Variants in DGKD observed in about 807,000 individuals in gnomAD.
DGKD encodes DAG kinase delta.
In DGKD, 68 loss-of-function variants were observed where a neutral mutation model predicts 154.4. That is an observed-to-expected ratio of 0.44 (90% CI 0.36 to 0.54). DGKD has a LOEUF of 0.54. Ranked by LOEUF, DGKD falls within the 20% of genes least tolerant of loss-of-function variation. DGKD has a pLI of 0.00. For synonymous variants in DGKD, 693 were observed against 638.0 expected (o/e 1.09, Z -1.30); for missense variants, 1,343 against 1,593.6 (o/e 0.84, Z 2.68).
At chr2:233,450,215 G>T in intron 16 of DGKD, 84 bp downstream of exon 16, 1 of 1,454,894 alleles carries the variant, frequency 6.9e-7, no homozygotes. Context: ...GGAGGTTTTA[G>T]GGCACTTTCT....
chr2:233,392,865 C>T (rs1039255053), intron 3 of DGKD, among the ~76,000 whole-genome samples: 2 of 152,212 alleles, frequency 1.3e-5, no homozygotes, highest in African/African-American at 2.4e-5. Flanking sequence ...GTAGTTTAAA[C>T]ACCTGTGTCT....
intron 3 of DGKD, among the ~76,000 whole-genome samples, chr2:233,428,875 TTG>T (rs2062409099): frequency 1.0e-5 from 1 of 98,326 alleles, no homozygotes; most frequent in South Asian, 3.0e-4. Flanking sequence ...AGGTTTTTTT[TTG>T]TTGTTGTTGT....
rs1409204349 is a variant in DGKD, at chr2:233,459,603, C to A, written c.2695-154C>A. ...GAGTGACACAACAGCAGAAGGCTAG[C>A]TGCAGGCGGAGCGCCATCCCAGAGG... On this transcript the variant is annotated intron_variant, in intron 22 of 29. Transcript: ENST00000264057. The surrounding 1 kb of genome is among the most constrained non-coding windows in gnomAD (Gnocchi z 5.7). Among the ~76,000 whole-genome samples the A allele has an allele frequency of 1.3e-5, 2 of 152,176 alleles. No homozygotes were observed. The highest frequency in any genetic ancestry group is 4.8e-5 in the African/African-American group (2 of 41,440).
At chr2:233,420,581 T>A (rs2062082658) in intron 3 of DGKD, among the ~76,000 whole-genome samples, 1 of 152,254 alleles carries the variant, frequency 6.6e-6, no homozygotes, top group Admixed American at 6.5e-5. Context: ...ATTGTTGAAC[T>A]GGTTCTGAAA....
In DGKD at chr2:233,469,579, G is replaced by C; in HGVS notation, c.*119G>C. 2 of 817,946 alleles carry C rather than the reference G, an allele frequency of 2.4e-6. No individual in the cohort carries two copies. Among genetic ancestry groups the C allele is most frequent in the Non-Finnish European group, 3.9e-6 (2 of 511,818 alleles). The allele number at this position is 817,946 out of a possible 1,614,324, so 50.7% of individuals were successfully genotyped here. On this transcript the variant is annotated 3_prime_UTR_variant, in exon 30 of 30. Transcript: ENST00000264057. ...AGGCCCTGGGCAGATGCTGCAGCCC[G>C]CCCCCTTCTCATGGTGCTACTTCCT...
rs370744706 is a variant in DGKD, at chr2:233,459,716, G to A, written c.2695-41G>A. ...TGATAGCACTTTTAAACCCCTGGGG[G>A]TTTTGGCTCAGCATGAGTAATGGCT... is the stretch of plus-strand genomic sequence containing the variant. On this transcript the variant is annotated intron_variant, in intron 22 of 29. Coordinates refer to ENST00000264057, the MANE Select transcript of DGKD (RefSeq NM_152879.3). This position sits in a 1 kb window ranked among gnomAD's most constrained non-coding sequence, Gnocchi z 5.7. The A allele has an allele frequency of 3.3e-5, 53 of 1,603,308 alleles. No individual in the cohort carries two copies. The highest frequency in any genetic ancestry group is 4.2e-5 in the Non-Finnish European group (49 of 1,173,800).
chr2:233,455,439 C>G (rs2124904576), intron 19 of DGKD, among the ~76,000 whole-genome samples: 1 of 152,340 alleles, frequency 6.6e-6, no homozygotes, highest in East Asian at 1.9e-4. Flanking sequence ...AAGGGTCCCT[C>G]TTCTCAAGCT....
intron 27 of DGKD, among the ~76,000 whole-genome samples, chr2:233,465,228 T>C (rs2063789016): frequency 6.6e-6 from 1 of 152,088 alleles, no homozygotes; most frequent in Non-Finnish European, 1.5e-5. Context: ...GATTAAGAAA[T>C]TTTACCCAAA....
rs114655241 is a variant in DGKD, at chr2:233,450,854, A to G, written c.2039-68A>G. On this transcript the variant is annotated intron_variant, in intron 16 of 29. Coordinates refer to ENST00000264057, the MANE Select transcript of DGKD (RefSeq NM_152879.3). Reference sequence around the variant, plus strand: ...AGCCCTCCCACCTGCTCGTGTCGCTAAGGACCCCCCAGGATTTCACAGTCT... The same window carrying G: ...AGCCCTCCCACCTGCTCGTGTCGCTGAGGACCCCCCAGGATTTCACAGTCT... 269 of 1,546,854 alleles carry G rather than the reference A, an allele frequency of 1.7e-4. No homozygotes were observed. The African/African-American group carries it at 3.4e-3, about 20-fold the overall frequency.
At chr2:233,434,997 C>A in intron 5 of DGKD, 96 bp downstream of exon 5, 1 of 1,513,398 alleles carries the variant, frequency 6.6e-7, no homozygotes, top group Non-Finnish European at 8.9e-7. Flanking sequence ...ATAAATAAGC[C>A]GTTGTCACCC....
intron 29 of DGKD, among the ~76,000 whole-genome samples, chr2:233,468,913 G>A (rs538749321): frequency 6.6e-6 from 1 of 152,378 alleles, no homozygotes; most frequent in South Asian, 2.1e-4. Flanking sequence ...TCTGCAGGGA[G>A]CATTGGGAGG....
intron 3 of DGKD, among the ~76,000 whole-genome samples, chr2:233,424,717 G>T (rs909059853): frequency 4.6e-5 from 7 of 152,228 alleles, no homozygotes; most frequent in Admixed American, 4.6e-4. Flanking sequence ...CTCATTTGCT[G>T]TGGGACTGTG....
intron 3 of DGKD, among the ~76,000 whole-genome samples, chr2:233,424,605 A>G (rs997105486): frequency 6.6e-6 from 1 of 152,132 alleles, no homozygotes; most frequent in Non-Finnish European, 1.5e-5. Flanking sequence ...CCTCCGGCCC[A>G]CTGGCCCTGG....
At chr2:233,422,363 C>A (rs1471375665) in intron 3 of DGKD, among the ~76,000 whole-genome samples, 2 of 152,192 alleles carry the variant, frequency 1.3e-5, no homozygotes, top group African/African-American at 2.4e-5. Context: ...CTCAAGTACC[C>A]AGGCCACGTG....
chr2:233,357,756 C>CA (rs764259479), intron 1 of DGKD, among the ~76,000 whole-genome samples: 24 of 152,056 alleles, frequency 1.6e-4, no homozygotes, highest in Middle Eastern at 3.4e-3. Flanking sequence ...AGGCTGGTCT[C>CA]AAACTCCTGA....
At position 233,435,850 on chromosome 2, in the gene DGKD, G is replaced by T; in HGVS notation, c.619G>T (p.Val207Leu). The change falls in exon 6 of 30, where the codon GTG becomes TTG. Residue 207 changes from valine (V) to leucine (L), a missense_variant. This residue lies in a region of DGKD where 332 missense variants were observed against 400.1 expected (regional missense o/e 0.83). Coordinates refer to ENST00000264057, the MANE Select transcript of DGKD (RefSeq NM_152879.3). The part of the protein sequence containing the change: ...CKFKAHKRCA[V>L]RATNNCKWTT... ...ATTTAAGGCCCACAAGCGCTGTGCT[G>T]TGCGTGCAACCAATAACTGCAAGTG... 6.2e-7 allele frequency: 1 copy of T among 1,612,912 alleles called. No individual in the cohort carries two copies. Among genetic ancestry groups the T allele is most frequent in the Non-Finnish European group, 8.5e-7 (1 of 1,179,434 alleles).
At chr2:233,451,392 G>T (rs13422131) in intron 17 of DGKD, among the ~76,000 whole-genome samples, 1 of 152,046 alleles carries the variant, frequency 6.6e-6, no homozygotes, top group Non-Finnish European at 1.5e-5. Context: ...GGACCATCCC[G>T]TGCTTCTAGC....
chr2:233,458,610 TA>T lies in DGKD; in HGVS notation c.2694+215del. On this transcript the variant is annotated intron_variant, in intron 22 of 29. Coordinates refer to ENST00000264057, the MANE Select transcript of DGKD (RefSeq NM_152879.3). This position sits in a 1 kb window ranked among gnomAD's most constrained non-coding sequence, Gnocchi z 6.6. ...GTTAAATTCTCAAGATAACTCTTTT[TA>T]ATTTTTTTTTTTTTTTTTGAGACAG... Among the ~76,000 whole-genome samples, 1 of 147,362 alleles carries T rather than the reference TA, an allele frequency of 6.8e-6. No individual in the cohort carries two copies.
chr2:233,442,083 G>T, intron 10 of DGKD, 88 bp downstream of exon 10: 1 of 1,176,168 alleles, frequency 8.5e-7, no homozygotes, highest in African/African-American at 1.5e-5. Flanking sequence ...TGTTCATCTC[G>T]GAGCACCTGT....
Sources: allele counts gnomAD v4.1 joint callset (sites outside exome capture counted in the v4.1 genomes callset), GRCh38; gene constraint gnomAD v4.1.1; regional missense constraint gnomAD v4.1.1; non-coding constraint Gnocchi (gnomAD v3.1); transcripts MANE v1.5; gene names NCBI Gene and HGNC (gene_info 2026-07-23, HGNC 2026-07-21).